ARFGEF3: variants seen among roughly 807,000 people sequenced by gnomAD.
ARFGEF3 encodes the protein ARFGEF family member 3, also known as brefeldin A-inhibited guanine nucleotide-exchange protein 3.
ARFGEF3 carries 96 observed loss-of-function variants against 221.7 expected under a neutral mutation model. The ratio of observed to expected loss-of-function variants is 0.43; its 90% CI spans 0.37 to 0.51. The LOEUF is 0.51. ARFGEF3 is among the 20% of genes least tolerant of loss of function. The probability of loss-of-function intolerance (pLI) is 0.00; values close to 1 mark genes in which losing one functional copy is unlikely to be tolerated. For synonymous variants in ARFGEF3, 1,145 were observed against 1,126.8 expected, an observed-to-expected ratio of 1.02 and a Z score of -0.32; for missense variants, 2,410 against 2,789.9, an observed-to-expected ratio of 0.86 and a Z score of 3.07.
chr6:138,177,081 ATT>A (rs1562343225), intron 2 of ARFGEF3, among the ~76,000 whole-genome samples: 5 of 138,468 alleles, frequency 3.6e-5, no homozygotes, highest in East Asian at 4.5e-4. Flanking sequence ...TTATTTATTT[ATT>A]TATTTATTTA....
chr6:138,307,286 T>C lies in ARFGEF3; in HGVS notation c.3862T>C (p.Cys1288Arg). The C allele has an allele frequency of 1.2e-6, 2 of 1,613,986 alleles. No individual in the cohort carries two copies. Among genetic ancestry groups the C allele is most frequent in the Non-Finnish European group, 1.7e-6 (2 of 1,179,848 alleles). The change falls in exon 23 of 34, where the codon TGT becomes CGT. Residue 1288 changes from cysteine to arginine, a missense_variant. Physicochemically the swap from Cys to Arg is radical, Grantham distance 180 (BLOSUM62 -3). Coordinates refer to ENST00000251691, the MANE Select transcript of ARFGEF3 (RefSeq NM_020340.5). ...ATCCATTGGTGAGCTGGTTGAAGTG[T>C]GTTCCACGCAGATCCAGTCGGGATG... The part of the protein sequence containing the change: ...VTSIGELVEV[C>R]STQIQSGWRP...
At position 138,218,263 on chromosome 6, in the gene ARFGEF3, G is replaced by A. The variant is rs559691424; in HGVS notation, c.351+8222G>A. ...AATACCTTGTAGCAGAATGGTAAGA[G>A]CACAGTTTCTGGAGCTAGAATGCCT... is the stretch of plus-strand genomic sequence containing the variant. On this transcript the variant is annotated intron_variant, in intron 4 of 33. Transcript: ENST00000251691. The A allele has an allele frequency of 1.7e-5, 28 of 1,609,768 alleles. No homozygotes were observed. In the South Asian group the frequency reaches 2.9e-4, roughly 16 times the overall value.
chr6:138,174,469 TAAAAAAAAAAAAAAAAAAAAAAAA>T (rs35236693), intron 2 of ARFGEF3, among the ~76,000 whole-genome samples: 1 of 25,280 alleles, frequency 4.0e-5, no homozygotes, highest in Non-Finnish European at 7.1e-5. Flanking sequence ...GAGCATCTGC[TAAAAAAAAAAAAAAAAAAAAAAAA>T]AAAAAAAAAA....
intron 2 of ARFGEF3, among the ~76,000 whole-genome samples, chr6:138,196,799 C>T (rs1022765840): frequency 2.0e-5 from 3 of 152,038 alleles, no homozygotes; most frequent in Admixed American, 6.5e-5. Flanking sequence ...TACTTTATAT[C>T]CTTATTCTAT....
At chr6:138,247,811 T>C (rs1778513295) in intron 8 of ARFGEF3, among the ~76,000 whole-genome samples, 1 of 152,228 alleles carries the variant, frequency 6.6e-6, no homozygotes, top group Non-Finnish European at 1.5e-5. Flanking sequence ...TTTGTAAGAT[T>C]GAGTGAGAAA....
At chr6:138,287,799 A>T (rs980087236) in intron 17 of ARFGEF3, among the ~76,000 whole-genome samples, 1 of 152,216 alleles carries the variant, frequency 6.6e-6, no homozygotes, top group African/African-American at 2.4e-5. Flanking sequence ...CTTGGTCCAA[A>T]TTGTGTAACT....
chr6:138,166,655 G>A (rs1776729427), intron 1 of ARFGEF3, among the ~76,000 whole-genome samples: 1 of 152,234 alleles, frequency 6.6e-6, no homozygotes, highest in Non-Finnish European at 1.5e-5. Flanking sequence ...GAAACTGGCA[G>A]TCCTGGGGGC....
intron 13 of ARFGEF3, among the ~76,000 whole-genome samples, chr6:138,279,696 G>A (rs554298956): frequency 3.3e-5 from 5 of 152,328 alleles, no homozygotes; most frequent in South Asian, 2.1e-4. Context: ...AAGGAAGCTC[G>A]TACGCTATTA....
At chr6:138,274,562 G>T (rs1244011170) in intron 12 of ARFGEF3, among the ~76,000 whole-genome samples, 2 of 152,004 alleles carry the variant, frequency 1.3e-5, no homozygotes, top group Non-Finnish European at 2.9e-5. Context: ...CATTTGGGAG[G>T]CCAAGGCGGG....
chr6:138,288,862 C>T (rs964751878), intron 17 of ARFGEF3, among the ~76,000 whole-genome samples: 1 of 152,192 alleles, frequency 6.6e-6, no homozygotes, highest in African/African-American at 2.4e-5. Flanking sequence ...AACCTTTGTT[C>T]AAGGAGGACA....
Position 138,334,319 on chromosome 6 carries a change from G to T in ARFGEF3, c.5473G>T (p.Val1825Phe). ...TTATTTCCACGCCCTGGTGTGTGCT[G>T]TTCTCACCAATCAAGAAACCATCAC... ...NIYFHALVCA[V>F]LTNQETITAE... The change falls in exon 33 of 34, where the codon GTT becomes TTT. Residue 1825 changes from valine to phenylalanine, a missense_variant. Physicochemically the swap from Val to Phe is conservative, Grantham distance 50 (BLOSUM62 -1). Coordinates refer to ENST00000251691, the MANE Select transcript of ARFGEF3 (RefSeq NM_020340.5). This position sits in a 1 kb window ranked among gnomAD's most constrained non-coding sequence, Gnocchi z 5.1. 1 of 1,613,874 alleles carries T rather than the reference G, an allele frequency of 6.2e-7. No individual in the cohort carries two copies. Among genetic ancestry groups the T allele is most frequent in the African/African-American group, 1.3e-5 (1 of 75,040 alleles).
chr6:138,183,095 A>G lies in ARFGEF3; in HGVS notation c.137+12382A>G, dbSNP rs891613277. Among the ~76,000 whole-genome samples the G allele has an allele frequency of 3.3e-5, 5 of 152,334 alleles. No individual in the cohort carries two copies. In the East Asian group the frequency reaches 7.7e-4, roughly 23 times the overall value. On this transcript the variant is annotated intron_variant, in intron 2 of 33. Transcript: ENST00000251691. ...TTATTTCAGAGGCTGTTGGTAGGAC[A>G]GAAGCCAGGAAACTGGGTCCAGCTG...
intron 4 of ARFGEF3, chr6:138,218,570 G>A (rs920676070): frequency 1.8e-5 from 20 of 1,130,828 alleles, no homozygotes; most frequent in East Asian, 1.1e-4. Context: ...TCCATCCTAC[G>A]AGGTAGAGTT....
intron 22 of ARFGEF3, among the ~76,000 whole-genome samples, chr6:138,305,262 A>C (rs901451491): frequency 6.6e-6 from 1 of 151,854 alleles, no homozygotes; most frequent in Admixed American, 6.6e-5. Context: ...AAGGAAAACT[A>C]TAGACCAATA....
intron 31 of ARFGEF3, among the ~76,000 whole-genome samples, chr6:138,326,135 G>T (rs1264346813): frequency 3.3e-5 from 5 of 152,094 alleles, no homozygotes; most frequent in Non-Finnish European, 7.4e-5. Context: ...GGGATTACAG[G>T]CATGAGCCAC....
intron 4 of ARFGEF3, among the ~76,000 whole-genome samples, chr6:138,219,793 C>T (rs75595030): frequency 7.8e-4 from 116 of 149,194 alleles, no homozygotes; most frequent in African/African-American, 2.5e-3. Flanking sequence ...CATAGATGTG[C>T]GTGTGTGTGT....
Position 138,336,477 on chromosome 6 carries a change from C to A in ARFGEF3, c.6525C>A (p.Ile2175=). The A allele has an allele frequency of 6.2e-7, 1 of 1,606,604 alleles. No homozygotes were observed. Among genetic ancestry groups the A allele is most frequent in the Non-Finnish European group, 8.5e-7 (1 of 1,176,464 alleles). ...GCAGGGTGGGCCGTGTCTATGACATCATTGTGTAGCCGACTCCTGTTCTAC... is the reference window on the plus strand; with the variant it reads ...GCAGGGTGGGCCGTGTCTATGACATAATTGTGTAGCCGACTCCTGTTCTAC... The part of the protein sequence containing the change: ...WLGRVGRVYD[I]IV Residue 2175 remains isoleucine, a synonymous_variant, in exon 34 of 34, where the codon ATC becomes ATA. Transcript: ENST00000251691.
In ARFGEF3 at chr6:138,341,740, G is replaced by T. The variant is rs961930857; in HGVS notation, c.*5254G>T. The stretch of plus-strand genomic sequence containing the variant: ...ATTGTAGTGTTTGCTATTTGATGTG[G>T]AAATAACTAATAACTTAAGATTTTG... On this transcript the variant is annotated 3_prime_UTR_variant, in exon 34 of 34. Transcript: ENST00000251691. 1 of 152,118 alleles carries T rather than the reference G, an allele frequency of 6.6e-6. No individual in the cohort carries two copies. Among genetic ancestry groups the T allele is most frequent in the African/African-American group, 2.4e-5 (1 of 41,422 alleles). 9.4% of individuals were successfully genotyped at this position (152,118 alleles called of 1,614,324 possible). A position where few individuals can be genotyped will look rare whatever the true frequency, so the allele number is the denominator to read the frequency against.
At chr6:138,298,403 G>C (rs1269811153) in intron 21 of ARFGEF3, among the ~76,000 whole-genome samples, 1 of 152,220 alleles carries the variant, frequency 6.6e-6, no homozygotes, top group Non-Finnish European at 1.5e-5. Flanking sequence ...ACATGAAATT[G>C]AGGTTGTACC....
Sources: gnomAD v4.1 joint callset for allele counts (sites outside exome capture counted in the v4.1 genomes callset) on GRCh38, gnomAD v4.1.1 for gene constraint, Gnocchi (gnomAD v3.1) non-coding constraint, MANE v1.5 for transcripts, NCBI Gene and HGNC (gene_info 2026-07-23, HGNC 2026-07-21) for gene names.